TSPAN14: variants seen among roughly 807,000 people sequenced by gnomAD.
TSPAN14 encodes tetraspanin-14.
In TSPAN14, 16 loss-of-function variants were observed where a neutral mutation model predicts 36.6. That is an observed-to-expected ratio of 0.44 (90% CI 0.30 to 0.66). The LOEUF (loss-of-function observed/expected upper bound fraction) is 0.66, where lower values mean the gene tolerates loss of function less well. TSPAN14 is among the 30% of genes least tolerant of loss of function. TSPAN14 has a pLI of 0.12. For synonymous variants in TSPAN14, 139 were observed against 143.8 expected (o/e 0.97, Z 0.24); for missense variants, 231 against 355.1 (o/e 0.65, Z 2.81).
At chr10:80,483,521 A>T (rs1847408064) in intron 1 of TSPAN14, among the ~76,000 whole-genome samples, 1 of 152,216 alleles carries the variant, frequency 6.6e-6, no homozygotes, top group Admixed American at 6.5e-5. Flanking sequence ...AAATGTAACC[A>T]TATTGCTACC....
At chr10:80,488,327 GCCCTCAGAAAAGT>G (rs1445046599) in intron 1 of TSPAN14, among the ~76,000 whole-genome samples, 4 of 152,220 alleles carry the variant, frequency 2.6e-5, no homozygotes, top group African/African-American at 9.6e-5. Flanking sequence ...GGTAGGCCAG[GCCCTCAGAAAAGT>G]CCCTCGGAAA....
chr10:80,517,589 G>C (rs1261757752), intron 8 of TSPAN14, among the ~76,000 whole-genome samples: 1 of 152,272 alleles, frequency 6.6e-6, no homozygotes, highest in East Asian at 1.9e-4. Flanking sequence ...CCCAGGGACA[G>C]GCGTGTCCTG....
intron 1 of TSPAN14, among the ~76,000 whole-genome samples, chr10:80,479,608 T>C (rs1242830905): frequency 3.3e-5 from 5 of 152,304 alleles, no homozygotes; most frequent in East Asian, 1.9e-4. Flanking sequence ...GTTGTAGATA[T>C]GTGGCGTTAT....
At chr10:80,468,963 A>G (rs557040035) in intron 1 of TSPAN14, among the ~76,000 whole-genome samples, 2 of 152,138 alleles carry the variant, frequency 1.3e-5, no homozygotes, top group East Asian at 3.9e-4. Flanking sequence ...GTCTTTACCC[A>G]CTTGCTTTCC....
chr10:80,477,299 G>A (rs1846973129), intron 1 of TSPAN14, among the ~76,000 whole-genome samples: 2 of 152,156 alleles, frequency 1.3e-5, no homozygotes, highest in Non-Finnish European at 2.9e-5. Flanking sequence ...TGTAATAATG[G>A]ACTATACTTC....
At chr10:80,455,265 G>C (rs1223851914) in intron 1 of TSPAN14, among the ~76,000 whole-genome samples, 2 of 152,168 alleles carry the variant, frequency 1.3e-5, no homozygotes, top group Non-Finnish European at 2.9e-5. Context: ...GGAGTCGGGG[G>C]AAGTCGTGGG....
At chr10:80,502,390 G>T (rs1848567664) in intron 2 of TSPAN14, among the ~76,000 whole-genome samples, 1 of 152,180 alleles carries the variant, frequency 6.6e-6, no homozygotes, top group African/African-American at 2.4e-5. Flanking sequence ...TTTTTGAAGG[G>T]TCAGTCTTGT....
At chr10:80,515,956 C>T (rs998463109) in intron 7 of TSPAN14, 5 of 511,658 alleles carry the variant, frequency 9.8e-6, no homozygotes, top group African/African-American at 7.7e-5. Context: ...GGCTTTAAAT[C>T]TCTGGAGACC....
chr10:80,466,629 G>C (rs1257190215), intron 1 of TSPAN14: 1 of 152,164 alleles, frequency 6.6e-6, no homozygotes, highest in African/African-American at 2.4e-5. Context: ...ATCGTGAAAG[G>C]CATTGAAACA....
chr10:80,503,913 C>T lies in TSPAN14; in HGVS notation c.82-815C>T, dbSNP rs1315330825. 2.6e-5 allele frequency among the ~76,000 whole-genome samples: 4 copies of T among 152,196 alleles called. 1 individual carries two copies. Among genetic ancestry groups the T allele is most frequent in the South Asian group, 4.2e-4 (2 of 4,818 alleles). On this transcript the variant is annotated intron_variant, in intron 2 of 8. Transcript: ENST00000429989. ...GAGGCAGCTTTATTAACAGAGCCCA[C>T]GTTGTGTTTTGTTGTATATGGAAAA...
At chr10:80,508,645 A>G (rs1407026927) in intron 4 of TSPAN14, among the ~76,000 whole-genome samples, 1 of 152,068 alleles carries the variant, frequency 6.6e-6, no homozygotes, top group Non-Finnish European at 1.5e-5. Flanking sequence ...TATGCTGACG[A>G]TCATATACTT....
chr10:80,455,744 A>C (rs1215606216), intron 1 of TSPAN14, among the ~76,000 whole-genome samples: 1 of 152,136 alleles, frequency 6.6e-6, no homozygotes, highest in East Asian at 1.9e-4. Context: ...AGACTCCACC[A>C]TAATGGCCCT....
At chr10:80,518,858 T>G (rs980691575) in exon 9 of TSPAN14, 3 of 152,940 alleles carry the variant, frequency 2.0e-5, no homozygotes, top group Non-Finnish European at 2.9e-5. Context: ...TGTCCATGGC[T>G]GGAGCCGACC....
At chr10:80,485,221 G>T (rs1589263857) in intron 1 of TSPAN14, among the ~76,000 whole-genome samples, 1 of 152,188 alleles carries the variant, frequency 6.6e-6, no homozygotes, top group African/African-American at 2.4e-5. Context: ...GTAAGATAAA[G>T]AGTGTTGGTG....
rs1361816428 is a variant in TSPAN14 at position 80,521,223 on chromosome 10, G to T, written c.*3247G>T. The T allele has an allele frequency of 1.7e-5, 3 of 171,760 alleles. No individual in the cohort carries two copies. In the East Asian group the frequency reaches 4.9e-4, roughly 28 times the overall value. 10.6% of individuals were successfully genotyped at this position (171,760 alleles called of 1,614,324 possible). A position where few individuals can be genotyped will look rare whatever the true frequency, so the allele number is the denominator to read the frequency against. On this transcript the variant is annotated 3_prime_UTR_variant, in exon 9 of 9. Coordinates refer to ENST00000429989, the Ensembl canonical transcript of TSPAN14. ...AGTCTCATCAGGGAACCCACCTGAT[G>T]GCTTCTCAGCCAGCAGTCTCAGAGG... is the stretch of plus-strand genomic sequence containing the variant.
exon 9 of TSPAN14, chr10:80,520,693 TC>T (rs1437802977): frequency 1.9e-6 from 1 of 533,368 alleles, no homozygotes; most frequent in South Asian, 1.4e-5. Context: ...GCCCTATGGC[TC>T]CCTCCCTTTC....
At position 80,482,914 on chromosome 10, in the gene TSPAN14, T is replaced by C. The variant is rs569400004; in HGVS notation, c.-17-6303T>C. Among the ~76,000 whole-genome samples, 5 of 151,854 alleles carry C rather than the reference T, an allele frequency of 3.3e-5. No homozygotes were observed. In the South Asian group the frequency reaches 8.3e-4, roughly 25 times the overall value. ...CCACGCCTGGCTAATTTTGTATTTT[T>C]AGTAGAGATGGGGTTTCACCATGTT... On this transcript the variant is annotated intron_variant, in intron 1 of 8. Transcript: ENST00000429989.
intron 1 of TSPAN14, among the ~76,000 whole-genome samples, chr10:80,469,184 C>T (rs1846403901): frequency 6.6e-6 from 1 of 152,076 alleles, no homozygotes; most frequent in African/African-American, 2.4e-5. Flanking sequence ...TAACTGGAGC[C>T]CTCCTGGGTG....
intron 2 of TSPAN14, among the ~76,000 whole-genome samples, chr10:80,501,286 CTTTTT>C (rs36008947): frequency 1.7e-5 from 2 of 120,598 alleles, no homozygotes; most frequent in East Asian, 2.4e-4. Context: ...TTTAGAAAAC[CTTTTT>C]TTTTTTTTTT....
Sources: allele counts gnomAD v4.1 joint callset (sites outside exome capture counted in the v4.1 genomes callset), GRCh38; gene constraint gnomAD v4.1.1; transcripts MANE v1.5; gene names NCBI Gene and HGNC (gene_info 2026-07-23, HGNC 2026-07-21).